Variants in KDM5A observed in about 807,000 individuals in gnomAD.
The protein encoded by KDM5A is lysine-specific demethylase 5A.
A neutral mutation model predicts 193.5 loss-of-function variants in KDM5A; 42 were observed. The ratio of observed to expected loss-of-function variants is 0.22; its 90% CI spans 0.17 to 0.28. The LOEUF (loss-of-function observed/expected upper bound fraction) is 0.28, where lower values mean the gene tolerates loss of function less well. Among genes scored for constraint, KDM5A ranks in the 10% least tolerant of loss-of-function variants. The pLI, the probability that KDM5A is intolerant of heterozygous loss-of-function variation, is 1.00. For synonymous variants in KDM5A, 796 were observed against 718.1 expected (o/e 1.11, Z -1.73); for missense variants, 1,692 against 2,055.1 (o/e 0.82, Z 3.42).
rs199504473 is a variant in KDM5A, at chr12:307,527, T to A, written c.3857A>T (p.Gln1286Leu). The change falls in exon 23 of 28, where the codon CAG (glutamine) becomes CTG (leucine). Residue 1286 changes from glutamine to leucine, a missense_variant. Physicochemically the swap from Gln to Leu is moderately radical, Grantham distance 113 (BLOSUM62 -2). Around this residue, in one of 11 missense-constraint regions of KDM5A, gnomAD observed 965 missense variants for 1,061.0 expected, o/e 0.91. Transcript: ENST00000399788. This position sits in a 1 kb window ranked among gnomAD's most constrained non-coding sequence, Gnocchi z 4.3. ...CTTTTCAGTTTTTTCTCGAGCCGCC[T>A]GTTCCACCATACGCTGGCTCAACAC... ...LSVLSQRMVE[Q>L]AAREKTEKII... is the part of the protein sequence containing the mutation. 2.8e-5 allele frequency: 46 copies of A among 1,614,084 alleles called. No individual in the cohort carries two copies. In the African/African-American group the frequency reaches 5.2e-4, roughly 18 times the overall value.
chr12:319,564 C>G (rs1039775188), intron 18 of KDM5A, among the ~76,000 whole-genome samples: 2 of 151,866 alleles, frequency 1.3e-5, no homozygotes, highest in African/African-American at 4.8e-5. Flanking sequence ...CCAGCCTGGG[C>G]AAAATGGCAA....
chr12:382,145 T>A (rs549707310), intron 3 of KDM5A, among the ~76,000 whole-genome samples: 1 of 152,254 alleles, frequency 6.6e-6, no homozygotes, highest in South Asian at 2.1e-4. Context: ...AAGTGAAATC[T>A]TCCTGGCCAC....
intron 26 of KDM5A, 62 bp from the exon 27 acceptor site, chr12:293,231 T>C: frequency 6.4e-6 from 9 of 1,400,002 alleles, no homozygotes; most frequent in Non-Finnish European, 9.0e-6. Context: ...AGTATTACTC[T>C]CTTATATGAG....
chr12:388,296 T>C (rs2137505981), intron 1 of KDM5A: 1 of 456,042 alleles, frequency 2.2e-6, no homozygotes, highest in Admixed American at 2.3e-5. Flanking sequence ...ACTGTGATTC[T>C]AAAATCGTTG....
At chr12:387,152 G>A in intron 1 of KDM5A, 1 of 246,878 alleles carries the variant, frequency 4.1e-6, no homozygotes, top group South Asian at 3.9e-5. Flanking sequence ...ATTTCAAGTG[G>A]GGTCTAAATA....
intron 13 of KDM5A, 179 bp from the exon 14 acceptor site, chr12:329,208 G>A (rs2137419484): frequency 8.1e-6 from 5 of 617,716 alleles, no homozygotes; most frequent in Non-Finnish European, 1.4e-5. Flanking sequence ...CCCAGCCAGA[G>A]TTTCAAAGGC....
intron 6 of KDM5A, 45 bp from the exon 7 acceptor site, chr12:355,294 G>A (rs1274233901): frequency 6.7e-6 from 7 of 1,042,532 alleles, no homozygotes; most frequent in African/African-American, 1.6e-5. Flanking sequence ...CCAATGTTGA[G>A]AGCTTACTAT....
chr12:282,627 G>C lies in KDM5A; in HGVS notation c.*2829C>G, dbSNP rs1014334568. 7.3e-5 allele frequency: 17 copies of C among 232,990 alleles called. No homozygotes were observed. Among genetic ancestry groups the C allele is most frequent in the Non-Finnish European group, 8.5e-6 (1 of 117,952 alleles). The allele number at this position is 232,990 out of a possible 1,614,324, so 14.4% of individuals were successfully genotyped here. ...ATAGTTCTAATGACTTAGCTTTTAAGAATACCACAGGCCTACCATATTTCC... is the reference window on the plus strand; with the variant it reads ...ATAGTTCTAATGACTTAGCTTTTAACAATACCACAGGCCTACCATATTTCC... On this transcript the variant is annotated 3_prime_UTR_variant, in exon 28 of 28. Transcript: ENST00000399788.
At chr12:302,272 A>G (rs960758013) in intron 24 of KDM5A, among the ~76,000 whole-genome samples, 1 of 152,242 alleles carries the variant, frequency 6.6e-6, no homozygotes, top group African/African-American at 2.4e-5. Context: ...ACTTCAAACT[A>G]TACTACAAGG....
At chr12:344,428 ACT>A (rs1478792790) in intron 10 of KDM5A, among the ~76,000 whole-genome samples, 1 of 151,972 alleles carries the variant, frequency 6.6e-6, no homozygotes, top group African/African-American at 2.4e-5. Flanking sequence ...CCACAAAAAT[ACT>A]CCTTGAGAAG....
Position 331,928 on chromosome 12 carries a change from G to T in KDM5A, c.1664C>A (p.Thr555Asn). Residue 555 changes from threonine (T) to asparagine (N), a missense_variant, in exon 13 of 28, where the codon ACC (threonine) becomes AAC (asparagine). Physicochemically the swap from Thr to Asn is moderately conservative, Grantham distance 65. This residue lies in a region of KDM5A where 172 missense variants were observed against 260.3 expected (regional missense o/e 0.66). Transcript: ENST00000399788. ...AACAAACTCGCCAGCACACTGATTG[G>T]TCCTGTACACCTAAATGCAAATTGG... ...LMEHGVPVYRTNQCAGEFVVT... is the reference protein window; with the variant it reads ...LMEHGVPVYRNNQCAGEFVVT... 1 of 1,613,906 alleles carries T rather than the reference G, an allele frequency of 6.2e-7. No homozygotes were observed. Among genetic ancestry groups the T allele is most frequent in the Non-Finnish European group, 8.5e-7 (1 of 1,179,848 alleles).
intron 10 of KDM5A, among the ~76,000 whole-genome samples, 161 bp from the exon 11 acceptor site, chr12:334,583 T>C (rs987151949): frequency 3.9e-5 from 6 of 152,218 alleles, no homozygotes; most frequent in Non-Finnish European, 8.8e-5. Context: ...CTCATATAAC[T>C]AAACATTTAA....
chr12:315,523 C>A (rs1943641414), intron 19 of KDM5A, among the ~76,000 whole-genome samples: 1 of 151,878 alleles, frequency 6.6e-6, no homozygotes, highest in Non-Finnish European at 1.5e-5. Context: ...TGCCATGAGC[C>A]AAAATGGCAC....
At chr12:329,447 T>C (rs953450911) in intron 13 of KDM5A, among the ~76,000 whole-genome samples, 4 of 150,408 alleles carry the variant, frequency 2.7e-5, no homozygotes, top group African/African-American at 9.8e-5. Context: ...TATTCAGCAC[T>C]CAAATTTCCA....
chr12:304,393 T>C (rs919371126), intron 24 of KDM5A, among the ~76,000 whole-genome samples: 4 of 150,134 alleles, frequency 2.7e-5, no homozygotes, highest in Non-Finnish European at 5.9e-5. Flanking sequence ...GCAAATAAAA[T>C]TTTCATTATA....
chr12:334,505 ATT>A, intron 10 of KDM5A, 83 bp from the exon 11 acceptor site: 1 of 1,121,856 alleles, frequency 8.9e-7, no homozygotes, highest in South Asian at 1.3e-5. Flanking sequence ...TTCCCAGAAA[ATT>A]TTTTTATAAT....
intron 3 of KDM5A, among the ~76,000 whole-genome samples, chr12:383,120 G>A (rs1236571734): frequency 1.3e-5 from 2 of 151,944 alleles, no homozygotes; most frequent in Admixed American, 6.6e-5. Context: ...GATGGCCTCA[G>A]TCAGCCATTA....
intron 2 of KDM5A, 43 bp downstream of exon 2, chr12:385,854 T>C (rs1182936704): frequency 1.3e-6 from 2 of 1,488,308 alleles, no homozygotes; most frequent in East Asian, 2.3e-5. Flanking sequence ...AGCCCTAATA[T>C]AAAGAATGAA....
intron 25 of KDM5A, among the ~76,000 whole-genome samples, chr12:296,352 C>G (rs1402552063): frequency 1.3e-5 from 2 of 150,928 alleles, no homozygotes; most frequent in Non-Finnish European, 3.0e-5. Flanking sequence ...GGTTCTTTAT[C>G]CTGAACATTA....
Sources: allele counts gnomAD v4.1 joint callset (sites outside exome capture counted in the v4.1 genomes callset), GRCh38; gene constraint gnomAD v4.1.1; regional missense constraint gnomAD v4.1.1; non-coding constraint Gnocchi (gnomAD v3.1); transcripts MANE v1.5; gene names NCBI Gene and HGNC (gene_info 2026-07-23, HGNC 2026-07-21).